Variants in GABBR2 observed in about 807,000 individuals in gnomAD.
GABBR2 encodes the protein gamma-aminobutyric acid type B receptor subunit 2.
In GABBR2, 23 loss-of-function variants were observed where a neutral mutation model predicts 105.6. The observed-to-expected ratio is 0.22, with a 90% CI of 0.16 to 0.31. The LOEUF (loss-of-function observed/expected upper bound fraction) is 0.31, where lower values mean the gene tolerates loss of function less well. Among genes scored for constraint, GABBR2 ranks in the 10% least tolerant of loss-of-function variants. GABBR2 has a pLI of 1.00. For missense variants in GABBR2, 734 were observed against 1,245.5 expected (o/e 0.59, Z 6.18); for synonymous variants, 478 against 499.7 (o/e 0.96, Z 0.58).
chr9:98,318,051 G>C (rs1253467825), intron 13 of GABBR2, among the ~76,000 whole-genome samples: 2 of 152,134 alleles, frequency 1.3e-5, no homozygotes, highest in African/African-American at 4.8e-5. Context: ...GCATGGCAAG[G>C]GAAAAGAACC....
intron 9 of GABBR2, among the ~76,000 whole-genome samples, chr9:98,393,029 C>CCCAACCATCCATCCATCCATCCATCCAT (rs796720120): frequency 8.1e-6 from 1 of 123,060 alleles, no homozygotes; most frequent in African/African-American, 3.3e-5. Context: ...CATGCATCCA[C>CCCAACCATCCATCCATCCATCCATCCAT]CCATCCATCC....
At chr9:98,357,768 A>G (rs947043306) in intron 13 of GABBR2, among the ~76,000 whole-genome samples, 1 of 152,232 alleles carries the variant, frequency 6.6e-6, no homozygotes, top group Non-Finnish European at 1.5e-5. Flanking sequence ...AGAGCCTTAC[A>G]GGACCTGTGT....
intron 1 of GABBR2, among the ~76,000 whole-genome samples, chr9:98,615,605 G>A (rs548022219): frequency 6.6e-6 from 1 of 152,106 alleles, no homozygotes; most frequent in South Asian, 2.1e-4. Flanking sequence ...GATAAAGCAG[G>A]AGGTGCCAAG....
intron 7 of GABBR2, among the ~76,000 whole-genome samples, chr9:98,429,121 G>GGTGTGTGT (rs56248488): frequency 0.011 from 1,600 of 145,572 alleles, 20 homozygotes; most frequent in African/African-American, 0.033. Flanking sequence ...CCAGGTTTTT[G>GGTGTGTGT]GTGTGTGTGT....
chr9:98,317,215 C>T (rs569006948), intron 13 of GABBR2, among the ~76,000 whole-genome samples: 75 of 152,326 alleles, frequency 4.9e-4, no homozygotes, highest in African/African-American at 1.6e-3. Context: ...TGAGGCCACA[C>T]CGGTTTGGGA....
chr9:98,372,268 CT>C (rs1195243819), intron 11 of GABBR2, among the ~76,000 whole-genome samples: 3 of 152,196 alleles, frequency 2.0e-5, no homozygotes, highest in Non-Finnish European at 4.4e-5. Flanking sequence ...TTCACCTGTA[CT>C]GTATCACTCC....
intron 13 of GABBR2, among the ~76,000 whole-genome samples, chr9:98,336,069 A>C (rs1265057550): frequency 6.6e-6 from 1 of 152,216 alleles, no homozygotes; most frequent in Non-Finnish European, 1.5e-5. Context: ...GGAGGTGAGA[A>C]AGAATGTTGG....
chr9:98,565,985 C>A (rs143710356), intron 2 of GABBR2, among the ~76,000 whole-genome samples: 43 of 152,218 alleles, frequency 2.8e-4, no homozygotes, highest in Non-Finnish European at 5.9e-4. Flanking sequence ...ACCTGCCCAG[C>A]GGCTCAGCAG....
chr9:98,414,238 C>T (rs559413637), intron 7 of GABBR2, among the ~76,000 whole-genome samples: 3 of 152,286 alleles, frequency 2.0e-5, no homozygotes, highest in South Asian at 4.1e-4. Flanking sequence ...CCAAGGAGGG[C>T]CTTTCCAGGA....
intron 1 of GABBR2, among the ~76,000 whole-genome samples, chr9:98,704,065 C>G (rs1182416949): frequency 6.6e-6 from 1 of 152,116 alleles, no homozygotes; most frequent in Non-Finnish European, 1.5e-5. Flanking sequence ...CGTTCTTGCC[C>G]TGTTCTCTGT....
intron 1 of GABBR2, among the ~76,000 whole-genome samples, chr9:98,648,124 G>GTGTGT (rs1564140825): frequency 6.8e-5 from 4 of 58,866 alleles, no homozygotes; most frequent in Admixed American, 1.4e-4. Context: ...TGTATAGATA[G>GTGTGT]ATAGATAGAT....
chr9:98,697,860 C>T (rs1830776306), intron 1 of GABBR2, among the ~76,000 whole-genome samples: 1 of 152,214 alleles, frequency 6.6e-6, no homozygotes, highest in African/African-American at 2.4e-5. Flanking sequence ...CGGGGGCATT[C>T]GCATGGGCTC....
intron 1 of GABBR2, among the ~76,000 whole-genome samples, chr9:98,706,365 C>A (rs1588291007): frequency 1.3e-5 from 2 of 152,140 alleles, no homozygotes; most frequent in East Asian, 1.9e-4. Context: ...AAAACCCAGG[C>A]CCCACCTACC....
chr9:98,494,191 T>C (rs1455839706), intron 4 of GABBR2, among the ~76,000 whole-genome samples: 1 of 152,174 alleles, frequency 6.6e-6, no homozygotes, highest in Non-Finnish European at 1.5e-5. Flanking sequence ...GTACATTCTG[T>C]TGTTATAAAC....
chr9:98,570,482 C>A (rs1386682696), intron 2 of GABBR2, among the ~76,000 whole-genome samples: 1 of 152,222 alleles, frequency 6.6e-6, no homozygotes, highest in Non-Finnish European at 1.5e-5. Flanking sequence ...CACTCCCAAG[C>A]AGGAAGGAGT....
At chr9:98,688,411 A>ATATATATATATATATATATATAT (rs397737112) in intron 1 of GABBR2, among the ~76,000 whole-genome samples, 20 of 148,252 alleles carry the variant, frequency 1.3e-4, no homozygotes, top group African/African-American at 2.0e-4. Context: ...ATATATATAT[A>ATATATATATATATATATATATAT]AAATCTCCAG....
chr9:98,482,972 G>A (rs1451328465), intron 4 of GABBR2, among the ~76,000 whole-genome samples: 1 of 151,954 alleles, frequency 6.6e-6, no homozygotes, highest in African/African-American at 2.4e-5. Flanking sequence ...CCTAGTTCAT[G>A]ACCCCAGCCA....
At chr9:98,451,012 C>T (rs1826220614) in intron 7 of GABBR2, among the ~76,000 whole-genome samples, 1 of 152,198 alleles carries the variant, frequency 6.6e-6, no homozygotes, top group Non-Finnish European at 1.5e-5. Flanking sequence ...ACTTTGGATA[C>T]TTTGAATTCA....
intron 2 of GABBR2, among the ~76,000 whole-genome samples, chr9:98,576,980 A>G (rs1317356291): frequency 6.7e-6 from 1 of 148,898 alleles, no homozygotes; most frequent in Non-Finnish European, 1.5e-5. Context: ...GGATGTATGG[A>G]TGGATGGATG....
Sources: allele counts gnomAD v4.1 joint callset (sites outside exome capture counted in the v4.1 genomes callset), GRCh38; gene constraint gnomAD v4.1.1; transcripts MANE v1.5; gene names NCBI Gene and HGNC (gene_info 2026-07-23, HGNC 2026-07-21).